The following NUBP1 variants were observed in gnomAD, a reference collection of about 807,000 sequenced individuals.
NUBP1 encodes NUBP iron-sulfur cluster assembly factor 1, cytosolic.
In NUBP1, 46 loss-of-function variants were observed where a neutral mutation model predicts 41.8. That is an observed-to-expected ratio of 1.10 (90% CI 0.87 to 1.41). The LOEUF (loss-of-function observed/expected upper bound fraction) is 1.41, where lower values mean the gene tolerates loss of function less well. NUBP1 is among the 40% of genes most tolerant of loss of function. The pLI, the probability that NUBP1 is intolerant of heterozygous loss-of-function variation, is 0.00. For missense variants in NUBP1, 494 were observed against 414.0 expected (o/e 1.19, Z -1.68); for synonymous variants, 189 against 154.6 (o/e 1.22, Z -1.65).
chr16:10,769,108 C>T lies in NUBP1; in HGVS notation c.*3C>T, dbSNP rs2233543. On this transcript the variant is annotated 3_prime_UTR_variant, in exon 11 of 11. Transcript: ENST00000283027. The stretch of plus-strand genomic sequence containing the variant: ...AAGAGAACCTCATCAGTTCCTGAAA[C>T]GAGAGAATGTTCAGGACCAAGCAGT... 2,121 of 1,613,450 alleles carry T rather than the reference C, an allele frequency of 1.3e-3. 32 individuals carry two copies. In the African/African-American group the frequency reaches 0.024, roughly 19 times the overall value.
intron 2 of NUBP1, among the ~76,000 whole-genome samples, chr16:10,744,853 G>A (rs1899990515): frequency 1.3e-5 from 2 of 151,810 alleles, no homozygotes; most frequent in South Asian, 4.2e-4. Flanking sequence ...CACCTCTCAG[G>A]TTCAAGCGAT....
intron 8 of NUBP1, 29 bp downstream of exon 8, chr16:10,761,503 C>G: frequency 6.4e-7 from 1 of 1,565,628 alleles, no homozygotes; most frequent in East Asian, 2.2e-5. Context: ...GCCAGGCGAG[C>G]AAGATCTTGC....
intron 8 of NUBP1, 135 bp downstream of exon 8, chr16:10,761,609 C>A: frequency 1.0e-6 from 1 of 982,118 alleles, no homozygotes; most frequent in Non-Finnish European, 1.5e-6. Context: ...AAATCCCTTT[C>A]TGCTGACTAA....
rs1027273831 is a variant in NUBP1, at chr16:10,768,715, T to G, written c.905-332T>G. 3.9e-6 allele frequency: 1 copy of G among 256,898 alleles called. No individual in the cohort carries two copies. Among genetic ancestry groups the G allele is most frequent in the Non-Finnish European group, 7.3e-6 (1 of 137,074 alleles). The allele number at this position is 256,898 out of a possible 1,614,324, so 15.9% of individuals were successfully genotyped here. A position where few individuals can be genotyped will look rare whatever the true frequency, so the allele number is the denominator to read the frequency against. On this transcript the variant is annotated intron_variant, in intron 10 of 10. Coordinates refer to ENST00000283027, the MANE Select transcript of NUBP1 (RefSeq NM_002484.4). This position sits in a 1 kb window ranked among gnomAD's most constrained non-coding sequence, Gnocchi z 4.3. ...AGAGGCCCCAGAGTTAGGGCAGAGG[T>G]GTCAGTGTTTGTTAAAGCTGTGGTC...
chr16:10,748,124 G>C (rs1056312702), intron 3 of NUBP1, among the ~76,000 whole-genome samples: 2 of 151,860 alleles, frequency 1.3e-5, no homozygotes, highest in Admixed American at 1.3e-4. Flanking sequence ...CTAATTTTTG[G>C]GTTTTTTGTA....
intron 2 of NUBP1, among the ~76,000 whole-genome samples, chr16:10,744,315 G>T (rs1057336119): frequency 2.6e-5 from 4 of 152,202 alleles, no homozygotes; most frequent in Non-Finnish European, 5.9e-5. Flanking sequence ...CGGATGGAGG[G>T]TGGAGACTGA....
chr16:10,761,563 C>A, intron 8 of NUBP1, 89 bp downstream of exon 8: 1 of 1,180,528 alleles, frequency 8.5e-7, no homozygotes, highest in Non-Finnish European at 1.2e-6. Context: ...ACTATTTCTG[C>A]TTTCCCTGTC....
intron 4 of NUBP1, among the ~76,000 whole-genome samples, chr16:10,753,324 G>C (rs181467110): frequency 1.8e-4 from 27 of 152,320 alleles, no homozygotes; most frequent in Non-Finnish European, 1.9e-4. Context: ...CATTAGACCA[G>C]GGCTTGCTAT....
At chr16:10,755,976 A>C (rs1376216153) in intron 5 of NUBP1, among the ~76,000 whole-genome samples, 1 of 152,224 alleles carries the variant, frequency 6.6e-6, no homozygotes, top group Non-Finnish European at 1.5e-5. Flanking sequence ...CAAAAGTAGT[A>C]ATATGTAACT....
In NUBP1 at chr16:10,766,679, G is replaced by A. The variant is rs943693644; in HGVS notation, c.821-1270G>A. On this transcript the variant is annotated intron_variant, in intron 9 of 10. Coordinates refer to ENST00000283027, the MANE Select transcript of NUBP1 (RefSeq NM_002484.4). The surrounding 1 kb of genome is among the most constrained non-coding windows in gnomAD (Gnocchi z 4.8). ...AAATTGGACAAAACGCACAAAGAAA[G>A]GAAGGAAGGAAGGGATTTATTGAAA... 9.2e-6 allele frequency: 3 copies of A among 327,842 alleles called. No individual in the cohort carries two copies. The highest frequency in any genetic ancestry group is 1.7e-5 in the Non-Finnish European group (3 of 181,802). The allele number at this position is 327,842 out of a possible 1,614,324, so 20.3% of individuals were successfully genotyped here.
intron 2 of NUBP1, among the ~76,000 whole-genome samples, chr16:10,745,565 G>A (rs1447486422): frequency 6.6e-6 from 1 of 152,228 alleles, no homozygotes; most frequent in Non-Finnish European, 1.5e-5. Flanking sequence ...GCGTGCCCTG[G>A]AAAATACAAG....
rs1012766941 is a variant in NUBP1 at position 10,766,987 on chromosome 16, C to T, written c.821-962C>T. The stretch of plus-strand genomic sequence containing the variant: ...GCTCCCCATCTCCCACCAACCCCTC[C>T]CCACAGGCTTCTTCCCCGACTTGGA... On this transcript the variant is annotated intron_variant, in intron 9 of 10. Coordinates refer to ENST00000283027, the MANE Select transcript of NUBP1 (RefSeq NM_002484.4). This position sits in a 1 kb window ranked among gnomAD's most constrained non-coding sequence, Gnocchi z 4.8. The T allele has an allele frequency of 1.5e-5, 6 of 398,724 alleles. No homozygotes were observed. The highest frequency in any genetic ancestry group is 2.7e-5 in the Non-Finnish European group (6 of 226,210). 24.7% of individuals were successfully genotyped at this position (398,724 alleles called of 1,614,324 possible).
rs535754198 is a variant in NUBP1 at position 10,749,028 on chromosome 16, T to G, written c.258+1752T>G. ...ATCGTTTGAACCCAGGAGGCGGAGGTCGCGGTGGGCCAAGATTGCCCTACT... is the reference window on the plus strand; with the variant it reads ...ATCGTTTGAACCCAGGAGGCGGAGGGCGCGGTGGGCCAAGATTGCCCTACT... On this transcript the variant is annotated intron_variant, in intron 3 of 10. Transcript: ENST00000283027. The surrounding 1 kb of genome is among the most constrained non-coding windows in gnomAD (Gnocchi z 4.1). Among the ~76,000 whole-genome samples the G allele has an allele frequency of 4.6e-4, 69 of 149,204 alleles. No individual in the cohort carries two copies. Among genetic ancestry groups the G allele is most frequent in the African/African-American group, 1.7e-3 (67 of 40,364 alleles).
rs137995503 is a variant in NUBP1 at position 10,757,278 on chromosome 16, C to G, written c.451+498C>G. Among the ~76,000 whole-genome samples the G allele has an allele frequency of 6.6e-6, 1 of 151,838 alleles. No homozygotes were observed. Among genetic ancestry groups the G allele is most frequent in the African/African-American group, 2.4e-5 (1 of 41,302 alleles). Reference sequence around the variant, plus strand: ...CTGCACTCCAGCCTGTGTGACAGAGCGAGACTTTTTCTCAAAAAAAAAGCT... The same window carrying G: ...CTGCACTCCAGCCTGTGTGACAGAGGGAGACTTTTTCTCAAAAAAAAAGCT... On this transcript the variant is annotated intron_variant, in intron 6 of 10. Coordinates refer to ENST00000283027, the MANE Select transcript of NUBP1 (RefSeq NM_002484.4). The surrounding 1 kb of genome is among the most constrained non-coding windows in gnomAD (Gnocchi z 4.1).
At position 10,757,923 on chromosome 16, in the gene NUBP1, C is replaced by G; in HGVS notation, c.502C>G (p.Leu168Val). Reference sequence around the variant, plus strand: ...TGTGGACTGGGGAGAGGTCGACTACCTCATTGTGGACACCCCACCTGGGAC... The same window carrying G: ...TGTGGACTGGGGAGAGGTCGACTACGTCATTGTGGACACCCCACCTGGGAC... Reference protein sequence around the residue: ...RDVDWGEVDYLIVDTPPGTSD... With the variant: ...RDVDWGEVDYVIVDTPPGTSD... Residue 168 changes from leucine to valine, a missense_variant, in exon 7 of 11, where the codon CTC becomes GTC. Physicochemically the swap from Leu to Val is conservative, Grantham distance 32. Coordinates refer to ENST00000283027, the MANE Select transcript of NUBP1 (RefSeq NM_002484.4). This position sits in a 1 kb window ranked among gnomAD's most constrained non-coding sequence, Gnocchi z 4.1. The G allele has an allele frequency of 6.2e-7, 1 of 1,614,106 alleles. No individual in the cohort carries two copies. Among genetic ancestry groups the G allele is most frequent in the Admixed American group, 1.7e-5 (1 of 60,014 alleles).
At chr16:10,753,506 G>A (rs979044587) in intron 4 of NUBP1, among the ~76,000 whole-genome samples, 2 of 152,128 alleles carry the variant, frequency 1.3e-5, no homozygotes, top group African/African-American at 4.8e-5. Flanking sequence ...TTCCCCCAAG[G>A]GCAGTGCATG....
Position 10,761,754 on chromosome 16 carries a change from C to A in NUBP1, c.718-3C>A. 2 of 1,611,040 alleles carry A rather than the reference C, an allele frequency of 1.2e-6. No homozygotes were observed. The highest frequency in any genetic ancestry group is 1.7e-4 in the Middle Eastern group (1 of 6,056). On this transcript the variant is annotated splice_polypyrimidine_tract_variant and splice_region_variant and intron_variant, in intron 8 of 10. Transcript: ENST00000283027. Reference sequence around the variant, plus strand: ...TTTCCTCCCCTTTGAATTTGCCTTGCAGAAAGAATCTCAGATATTCCCTCC... The same window carrying A: ...TTTCCTCCCCTTTGAATTTGCCTTGAAGAAAGAATCTCAGATATTCCCTCC...
intron 3 of NUBP1, among the ~76,000 whole-genome samples, chr16:10,747,872 A>G (rs1284043867): frequency 6.6e-6 from 1 of 152,220 alleles, no homozygotes; most frequent in Non-Finnish European, 1.5e-5. Context: ...AGGGACCTGC[A>G]AACTATAGCC....
rs1239554805 is a variant in NUBP1, at chr16:10,759,298, G to T, written c.606+1271G>T. On this transcript the variant is annotated intron_variant, in intron 7 of 10. Transcript: ENST00000283027. This position sits in a 1 kb window ranked among gnomAD's most constrained non-coding sequence, Gnocchi z 4.7. Reference sequence around the variant, plus strand: ...CCAGCGGCCATGGGAAGGGTGTCCGGGTCAGAAAATGGTGCAAGATTCATG... The same window carrying T: ...CCAGCGGCCATGGGAAGGGTGTCCGTGTCAGAAAATGGTGCAAGATTCATG... 6.6e-6 allele frequency among the ~76,000 whole-genome samples: 1 copy of T among 152,194 alleles called. No individual in the cohort carries two copies. The highest frequency in any genetic ancestry group is 1.9e-4 in the East Asian group (1 of 5,196).
Sources: gnomAD v4.1 joint callset for allele counts (sites outside exome capture counted in the v4.1 genomes callset) on GRCh38, gnomAD v4.1.1 for gene constraint, Gnocchi (gnomAD v3.1) non-coding constraint, MANE v1.5 for transcripts, NCBI Gene and HGNC (gene_info 2026-07-23, HGNC 2026-07-21) for gene names.